Variants in HMGCLL1 observed in about 807,000 individuals in gnomAD.
HMGCLL1 encodes 3-hydroxymethyl-3-methylglutaryl-CoA lyase, cytoplasmic.
Under a neutral mutation model 39.1 loss-of-function variants are expected in HMGCLL1, and 36 were observed. That is an observed-to-expected ratio of 0.92 (90% CI 0.71 to 1.22). The LOEUF (loss-of-function observed/expected upper bound fraction) is 1.22. HMGCLL1 is among the 50% of genes most tolerant of loss of function. The pLI, the probability that HMGCLL1 is intolerant of heterozygous loss-of-function variation, is 0.00. For synonymous variants in HMGCLL1, 149 were observed against 144.0 expected (o/e 1.03, Z -0.25); for missense variants, 451 against 416.5 (o/e 1.08, Z -0.72).
chr6:55,580,891 TGTTA>T (rs1771974275), upstream of HMGCLL1, among the ~76,000 whole-genome samples: 1 of 152,238 alleles, frequency 6.6e-6, no homozygotes, highest in Non-Finnish European at 1.5e-5. Flanking sequence ...AGAGCTCAGC[TGTTA>T]GTTATTGTTC....
the HMGCLL1 span, among the ~76,000 whole-genome samples, chr6:55,613,988 A>G: frequency 0.11 from 17,054 of 152,144 alleles, 1,142 homozygotes; most frequent in East Asian, 0.17. Flanking sequence ...AATGAATAAA[A>G]CTAATATTAT....
At chr6:55,485,741 C>T (rs1236128746) in intron 7 of HMGCLL1, among the ~76,000 whole-genome samples, 1 of 151,692 alleles carries the variant, frequency 6.6e-6, no homozygotes, top group East Asian at 1.9e-4. Flanking sequence ...ATTAAAATGG[C>T]ATATCAAATG....
At chr6:55,597,363 G>A in the HMGCLL1 span, among the ~76,000 whole-genome samples, 1 of 152,060 alleles carries the variant, frequency 6.6e-6, no homozygotes, top group Non-Finnish European at 1.5e-5. Flanking sequence ...AAAAGGGTTA[G>A]ATGTGATTTA....
rs750244861 is a variant in HMGCLL1 at position 55,488,456 on chromosome 6, A to C, written c.795+6963T>G. On this transcript the variant is annotated intron_variant, in intron 7 of 8. Coordinates refer to ENST00000274901, the MANE Select transcript of HMGCLL1 (RefSeq NM_001042406.2). ...GATGATGCTTCATCACGCTTTTTTA[A>C]AATTAACCAGTTTGCCTAACAGCAG... Among the ~76,000 whole-genome samples, 3 of 152,114 alleles carry C rather than the reference A, an allele frequency of 2.0e-5. No homozygotes were observed. In the East Asian group the frequency reaches 5.8e-4, roughly 29 times the overall value.
intron 7 of HMGCLL1, among the ~76,000 whole-genome samples, chr6:55,469,376 C>A (rs1243304159): frequency 1.4e-5 from 2 of 146,134 alleles, no homozygotes; most frequent in East Asian, 4.0e-4. Flanking sequence ...TGTACACATA[C>A]ATATATACAC....
chr6:55,472,433 T>C (rs1367167654), intron 7 of HMGCLL1, among the ~76,000 whole-genome samples: 1 of 150,570 alleles, frequency 6.6e-6, no homozygotes, highest in Non-Finnish European at 1.5e-5. Context: ...GTGCAGTGTC[T>C]CTTCAAGTTA....
chr6:55,570,408 T>C (rs149592759), intron 1 of HMGCLL1, among the ~76,000 whole-genome samples: 1 of 152,294 alleles, frequency 6.6e-6, no homozygotes, highest in African/African-American at 2.4e-5. Context: ...ATTCTTTGCT[T>C]AGAGACTAGA....
chr6:55,597,084 A>G, the HMGCLL1 span, among the ~76,000 whole-genome samples: 1 of 123,358 alleles, frequency 8.1e-6, no homozygotes, highest in South Asian at 2.8e-4. Flanking sequence ...TCGCTTTTCC[A>G]CATTTTGTTT....
chr6:55,662,949 C>T, the HMGCLL1 span, among the ~76,000 whole-genome samples: 23 of 151,634 alleles, frequency 1.5e-4, no homozygotes, highest in East Asian at 4.5e-3. Flanking sequence ...TTATATATCT[C>T]TTCTAGGTTT....
chr6:55,580,704 C>A (rs914478435), upstream of HMGCLL1, among the ~76,000 whole-genome samples: 10 of 152,182 alleles, frequency 6.6e-5, no homozygotes, highest in African/African-American at 2.4e-4. Flanking sequence ...GGTCAGCCAC[C>A]GCGCCCAGCC....
At chr6:55,627,836 TTGTGGGACCTTGTG>T in the HMGCLL1 span, among the ~76,000 whole-genome samples, 2 of 120,080 alleles carry the variant, frequency 1.7e-5, no homozygotes, top group African/African-American at 6.4e-5. Flanking sequence ...AGACAGCTTA[TTGTGGGACCTTGTG>T]ATCATGTAAG....
At position 55,477,308 on chromosome 6, in the gene HMGCLL1, A is replaced by ATATAATATATATTATATT. The variant is rs1561904851; in HGVS notation, c.795+18110_795+18111insAATATAATATATATTATA. 2.4e-3 allele frequency among the ~76,000 whole-genome samples: 35 copies of ATATAATATATATTATATT among 14,294 alleles called. 4 individuals carry two copies. The highest frequency in any genetic ancestry group is 2.4e-3 in the Non-Finnish European group (26 of 10,660). The allele number at this position is 14,294 out of a possible 152,430, so 9.4% of individuals were successfully genotyped here. A position where few individuals can be genotyped will look rare whatever the true frequency, so the allele number is the denominator to read the frequency against. On this transcript the variant is annotated intron_variant, in intron 7 of 8. Transcript: ENST00000274901. Reference sequence around the variant, plus strand: ...TTATATATAAAATAATATATATTATATATATAATATATATTATATTATATA... The same window carrying ATATAATATATATTATATT: ...TTATATATAAAATAATATATATTATATATAATATATATTATATTTATATAATATATATTATATTATATA...
At chr6:55,659,455 A>T in the HMGCLL1 span, among the ~76,000 whole-genome samples, 1 of 151,930 alleles carries the variant, frequency 6.6e-6, no homozygotes, top group African/African-American at 2.4e-5. Context: ...AATCAGAAAC[A>T]TGTGTCTTAA....
chr6:55,651,000 G>A, the HMGCLL1 span, among the ~76,000 whole-genome samples: 1 of 152,058 alleles, frequency 6.6e-6, no homozygotes, highest in Non-Finnish European at 1.5e-5. Flanking sequence ...GCCTGGACTT[G>A]GGGACCCTAA....
chr6:55,661,314 G>A, the HMGCLL1 span, among the ~76,000 whole-genome samples: 1 of 151,912 alleles, frequency 6.6e-6, no homozygotes, highest in East Asian at 1.9e-4. Flanking sequence ...GAAGTCTGTT[G>A]CCTAGGTTGT....
At chr6:55,439,664 G>C in intron 7 of HMGCLL1, 105 bp from the exon 8 acceptor site, 1 of 1,245,656 alleles carries the variant, frequency 8.0e-7, no homozygotes, top group Non-Finnish European at 1.1e-6. Flanking sequence ...AATCTGAACT[G>C]GTTATTCAAA....
At chr6:55,525,710 T>C (rs565881934) in intron 3 of HMGCLL1, among the ~76,000 whole-genome samples, 1 of 151,958 alleles carries the variant, frequency 6.6e-6, no homozygotes, top group Non-Finnish European at 1.5e-5. Flanking sequence ...TTCTATATTC[T>C]GTATTGGCCC....
rs967825397 is a variant in HMGCLL1, at chr6:55,521,308, C to A, written c.298-4705G>T. 3.3e-5 allele frequency among the ~76,000 whole-genome samples: 5 copies of A among 152,060 alleles called. No individual in the cohort carries two copies. In the East Asian group the frequency reaches 9.7e-4, roughly 29 times the overall value. ...AAACAATGAAAGAGTTTCTCAAAAA[C>A]TTCTGAAAGAGAATCATATTGGAAG... On this transcript the variant is annotated intron_variant, in intron 3 of 8. Transcript: ENST00000274901.
intron 7 of HMGCLL1, among the ~76,000 whole-genome samples, chr6:55,486,785 GT>G (rs1766054913): frequency 1.3e-5 from 2 of 152,084 alleles, no homozygotes; most frequent in South Asian, 2.1e-4. Flanking sequence ...CATAAGCAGG[GT>G]GGTTTATAAA....
Sources: gnomAD v4.1 joint callset for allele counts (sites outside exome capture counted in the v4.1 genomes callset) on GRCh38, gnomAD v4.1.1 for gene constraint, MANE v1.5 for transcripts, NCBI Gene and HGNC (gene_info 2026-07-23, HGNC 2026-07-21) for gene names.